AXL: variants seen among roughly 807,000 people sequenced by gnomAD.
AXL encodes the protein tyrosine-protein kinase receptor UFO.
In AXL, 52 loss-of-function variants were observed where a neutral mutation model predicts 104.5. That is an observed-to-expected ratio of 0.50 (90% CI 0.40 to 0.63). The LOEUF (loss-of-function observed/expected upper bound fraction) is 0.63. AXL is among the 20% of genes least tolerant of loss of function. AXL has a pLI of 0.00. For missense variants in AXL, 1,024 were observed against 1,188.5 expected, an observed-to-expected ratio of 0.86 and a Z score of 2.04; for synonymous variants, 455 against 473.7, an observed-to-expected ratio of 0.96 and a Z score of 0.51.
At chr19:41,254,432 C>T (rs144113254) in intron 17 of AXL, among the ~76,000 whole-genome samples, 26 of 149,494 alleles carry the variant, frequency 1.7e-4, no homozygotes, top group Middle Eastern at 3.4e-3. Flanking sequence ...AAAATAGTAA[C>T]CTGTAGTCCC....
chr19:41,253,738 C>CA (rs780699988), intron 17 of AXL, 30 bp downstream of exon 17: 44 of 1,430,744 alleles, frequency 3.1e-5, no homozygotes, highest in South Asian at 7.2e-5. Flanking sequence ...CCCCCCCCCC[C>CA]AACTGCTCCT....
At chr19:41,253,562 C>G in intron 16 of AXL, 37 bp from the exon 17 acceptor site, 2 of 1,453,294 alleles carry the variant, frequency 1.4e-6, no homozygotes, top group Non-Finnish European at 1.9e-6. Flanking sequence ...ATCAAGGACT[C>G]TGTTGACCTC....
At position 41,259,592 on chromosome 19, in the gene AXL, G is replaced by C. The variant is rs765603944; in HGVS notation, c.2373G>C (p.Gln791His). 1 of 1,613,026 alleles carries C rather than the reference G, an allele frequency of 6.2e-7. No individual in the cohort carries two copies. The highest frequency in any genetic ancestry group is 1.1e-5 in the South Asian group (1 of 90,916). ...LMSRCWELNPQDRPSFTELRE... is the reference protein window; with the variant it reads ...LMSRCWELNPHDRPSFTELRE... ...CGCGGTGCTGGGAGCTAAATCCCCAGGACCGGCCAAGTTTTACAGAGCTGC... is the reference window on the plus strand; with the variant it reads ...CGCGGTGCTGGGAGCTAAATCCCCACGACCGGCCAAGTTTTACAGAGCTGC... The change falls in exon 20 of 20, where the codon CAG (glutamine) becomes CAC (histidine). Residue 791 changes from glutamine to histidine, a missense_variant. Coordinates refer to ENST00000301178, the MANE Select transcript of AXL (RefSeq NM_021913.5).
chr19:41,260,297 ACTTTTTTTT>A lies in AXL; in HGVS notation c.*394_*402del. ...TTAAAGTGCTAAGGTTCTAAGGCCT[ACTTTTTTTT>A]TTTTTTTTTTTTTTTTTTTTTTTGC... On this transcript the variant is annotated 3_prime_UTR_variant, in exon 20 of 20. Coordinates refer to ENST00000301178, the MANE Select transcript of AXL (RefSeq NM_021913.5). The A allele has an allele frequency of 1.4e-5, 1 of 69,182 alleles. No individual in the cohort carries two copies. Among genetic ancestry groups the A allele is most frequent in the Non-Finnish European group, 2.6e-5 (1 of 38,818 alleles). 4.3% of individuals were successfully genotyped at this position (69,182 alleles called of 1,614,324 possible).
chr19:41,229,226 G>T (rs1395365432), intron 4 of AXL, among the ~76,000 whole-genome samples: 1 of 151,246 alleles, frequency 6.6e-6, no homozygotes, highest in South Asian at 2.1e-4. Context: ...TGGGATTACG[G>T]GCATGAACCA....
At chr19:41,256,314 T>C (rs1467505794) in intron 17 of AXL, 138 bp from the exon 18 acceptor site, 38 of 999,244 alleles carry the variant, frequency 3.8e-5, no homozygotes, top group Non-Finnish European at 5.8e-5. Context: ...TGGACTGGGA[T>C]GAAGGTTTAG....
chr19:41,253,598 G>A lies in AXL; in HGVS notation c.1927-1G>A, dbSNP rs776367521. ...TCCTCCCACCTGCCTTGGCTCCCCA[G>A]TACCTGCCCACTCAGATGCTAGTGA... On this transcript the variant is annotated splice_acceptor_variant, in intron 16 of 19. Transcript: ENST00000301178. LOFTEE classifies it high-confidence loss of function. 1.2e-6 allele frequency: 2 copies of A among 1,612,342 alleles called. No homozygotes were observed. Among genetic ancestry groups the A allele is most frequent in the Non-Finnish European group, 1.7e-6 (2 of 1,179,048 alleles).
intron 6 of AXL, among the ~76,000 whole-genome samples, chr19:41,236,860 G>A (rs568038646): frequency 7.2e-4 from 110 of 151,840 alleles, no homozygotes; most frequent in Non-Finnish European, 1.5e-3. Context: ...GATCAAGCTC[G>A]TCTAACACAT....
chr19:41,222,126 A>T (rs1428379909), intron 4 of AXL, 70 bp downstream of exon 4: 1 of 1,388,206 alleles, frequency 7.2e-7, no homozygotes, highest in African/African-American at 1.5e-5. Context: ...GCAAGGGAAC[A>T]TTGCTACCTC....
At position 41,229,466 on chromosome 19, in the gene AXL, C is replaced by T. The variant is rs576414786; in HGVS notation, c.587-1501C>T. 1.7e-4 allele frequency among the ~76,000 whole-genome samples: 25 copies of T among 149,936 alleles called. No homozygotes were observed. In the East Asian group the frequency reaches 3.6e-3, roughly 22 times the overall value. ...TTTTTGTAGAGATGGGGTCTCACCA[C>T]GTTGCCCAGGCTGGTCTCTAACTCC... On this transcript the variant is annotated intron_variant, in intron 4 of 19. Coordinates refer to ENST00000301178, the MANE Select transcript of AXL (RefSeq NM_021913.5).
At chr19:41,250,632 G>A (rs768912308) in intron 14 of AXL, among the ~76,000 whole-genome samples, 19 of 152,158 alleles carry the variant, frequency 1.2e-4, no homozygotes, top group Middle Eastern at 3.4e-3. Flanking sequence ...TAGTAGAGAC[G>A]GGGTTTCACC....
At chr19:41,248,465 G>A in intron 12 of AXL, 49 bp from the exon 13 acceptor site, 1 of 1,570,406 alleles carries the variant, frequency 6.4e-7, no homozygotes, top group South Asian at 1.1e-5. Context: ...AATGTCACCT[G>A]AATGTCAGCC....
intron 14 of AXL, among the ~76,000 whole-genome samples, chr19:41,251,533 G>A (rs2034360551): frequency 6.6e-6 from 1 of 150,814 alleles, no homozygotes; most frequent in Admixed American, 6.6e-5. Flanking sequence ...TTGCACTCAA[G>A]CCTGGGGGAC....
At chr19:41,245,678 C>T (rs908945775) in intron 12 of AXL, among the ~76,000 whole-genome samples, 1 of 144,366 alleles carries the variant, frequency 6.9e-6, no homozygotes, top group African/African-American at 2.6e-5. Context: ...CGTGCCACTG[C>T]ACTTCAGCCT....
At chr19:41,243,891 A>T in intron 12 of AXL, 184 bp downstream of exon 12, 1 of 575,560 alleles carries the variant, frequency 1.7e-6, no homozygotes, top group Non-Finnish European at 3.1e-6. Flanking sequence ...CAAGGAATAG[A>T]ATCTTAGACA....
At position 41,253,734 on chromosome 19, in the gene AXL, C is replaced by CA. The variant is rs751384116; in HGVS notation, c.2036+26_2036+27insA. On this transcript the variant is annotated intron_variant, in intron 17 of 19. Transcript: ENST00000301178. Reference sequence around the variant, plus strand: ...GTGAGTGCCTTTCAGGGACCCCCCCCCCCCAACTGCTCCTGCACTCCCTGA... The same window carrying CA: ...GTGAGTGCCTTTCAGGGACCCCCCCCACCCCAACTGCTCCTGCACTCCCTGA... 31 of 1,534,948 alleles carry CA rather than the reference C, an allele frequency of 2.0e-5. No individual in the cohort carries two copies. In the African/African-American group the frequency reaches 2.0e-4, roughly 10 times the overall value.
chr19:41,241,747 CAGG>C (rs1234682541), intron 10 of AXL, among the ~76,000 whole-genome samples: 1 of 151,948 alleles, frequency 6.6e-6, no homozygotes, highest in East Asian at 1.9e-4. Context: ...GAAGCTGAGG[CAGG>C]AGATTTGCTT....
chr19:41,241,556 A>AAAAG (rs912009981), intron 10 of AXL, among the ~76,000 whole-genome samples: 51 of 151,160 alleles, frequency 3.4e-4, no homozygotes, highest in Non-Finnish European at 6.9e-4. Context: ...AAAAAAAAAA[A>AAAAG]AAAGAAAGAA....
chr19:41,250,401 A>T (rs931310390), intron 14 of AXL, among the ~76,000 whole-genome samples: 1 of 152,150 alleles, frequency 6.6e-6, no homozygotes, highest in Non-Finnish European at 1.5e-5. Flanking sequence ...TTCGTTCATT[A>T]TGGAGCACCT....
Sources: allele counts gnomAD v4.1 joint callset (sites outside exome capture counted in the v4.1 genomes callset), GRCh38; gene constraint gnomAD v4.1.1; transcripts MANE v1.5; gene names NCBI Gene and HGNC (gene_info 2026-07-23, HGNC 2026-07-21).